MSH3: variants seen among roughly 807,000 people sequenced by gnomAD.
MSH3 encodes the protein mutS homolog 3, also known as DNA mismatch repair protein Msh3.
In MSH3, 106 loss-of-function variants were observed where a neutral mutation model predicts 123.3. The ratio of observed to expected loss-of-function variants is 0.86; its 90% confidence interval spans 0.73 to 1.01. The LOEUF (loss-of-function observed/expected upper bound fraction) is 1.01, where lower values mean the gene tolerates loss of function less well. MSH3 is among the 50% of genes least tolerant of loss of function. MSH3 has a pLI of 0.00. For missense variants in MSH3, 1,459 were observed against 1,347.6 expected (o/e 1.08, Z -1.29); for synonymous variants, 515 against 481.4 (o/e 1.07, Z -0.91).
At chr5:80,685,888 G>T (rs1055767960) in intron 8 of MSH3, among the ~76,000 whole-genome samples, 1 of 151,956 alleles carries the variant, frequency 6.6e-6, no homozygotes, top group Non-Finnish European at 1.5e-5. Flanking sequence ...AAATTTCCTT[G>T]TTGATCTCTT....
chr5:80,793,974 C>G (rs1198912862), intron 19 of MSH3, among the ~76,000 whole-genome samples: 1 of 151,946 alleles, frequency 6.6e-6, no homozygotes, highest in African/African-American at 2.4e-5. Context: ...GCATAGATGA[C>G]TGGGTGTTTT....
chr5:80,832,376 T>TC (rs1745434765), intron 20 of MSH3, among the ~76,000 whole-genome samples: 1 of 152,074 alleles, frequency 6.6e-6, no homozygotes, highest in South Asian at 2.1e-4. Context: ...TCCCAGCACT[T>TC]TAGGAGGCTG....
At chr5:80,867,541 G>T (rs1746127393) in intron 22 of MSH3, among the ~76,000 whole-genome samples, 1 of 152,152 alleles carries the variant, frequency 6.6e-6, no homozygotes, top group Non-Finnish European at 1.5e-5. Context: ...TCTGGAGCTG[G>T]CTTTGAAGAC....
intron 19 of MSH3, among the ~76,000 whole-genome samples, chr5:80,804,705 G>A (rs1744853686): frequency 1.3e-5 from 2 of 152,302 alleles, no homozygotes; most frequent in Middle Eastern, 6.8e-3. Flanking sequence ...CACCACCACT[G>A]GGACTGCACT....
intron 18 of MSH3, among the ~76,000 whole-genome samples, chr5:80,792,221 T>C (rs764822045): frequency 2.0e-5 from 3 of 152,032 alleles, no homozygotes; most frequent in Non-Finnish European, 4.4e-5. Flanking sequence ...ATTGGTTTGA[T>C]CTCAGACAAC....
chr5:80,802,751 CCTT>C (rs2112038832), intron 19 of MSH3, among the ~76,000 whole-genome samples: 1 of 152,306 alleles, frequency 6.6e-6, no homozygotes, highest in South Asian at 2.1e-4. Context: ...TGGTAACCAT[CCTT>C]CTGCTCTTTA....
At chr5:80,873,346 A>G (rs943830758) in intron 23 of MSH3, 59 bp downstream of exon 23, 1 of 1,569,896 alleles carries the variant, frequency 6.4e-7, no homozygotes, top group African/African-American at 1.4e-5. Context: ...GTTGTCCAAG[A>G]AAGAGAGGAG....
At chr5:80,851,717 A>G (rs1745833781) in intron 20 of MSH3, among the ~76,000 whole-genome samples, 1 of 152,136 alleles carries the variant, frequency 6.6e-6, no homozygotes, top group Non-Finnish European at 1.5e-5. Flanking sequence ...TATGATTTCT[A>G]GTTTTACATT....
chr5:80,693,622 T>C (rs1031264821), intron 8 of MSH3, among the ~76,000 whole-genome samples: 47 of 96,358 alleles, frequency 4.9e-4, no homozygotes, highest in African/African-American at 2.1e-3. Context: ...CACACACACA[T>C]ATACACACAC....
chr5:80,779,821 C>T, intron 17 of MSH3, among the ~76,000 whole-genome samples: 1 of 151,974 alleles, frequency 6.6e-6, no homozygotes, highest in East Asian at 1.9e-4. Context: ...TCCTCGGCCT[C>T]CCAAAGTGCT....
chr5:80,793,236 T>C (rs1744639970), intron 19 of MSH3, among the ~76,000 whole-genome samples: 2 of 152,228 alleles, frequency 1.3e-5, no homozygotes, highest in Non-Finnish European at 2.9e-5. Context: ...CCTTTGCAGA[T>C]TCCAGTGATG....
At position 80,711,341 on chromosome 5, in the gene MSH3, G is replaced by A. The variant is rs764878172; in HGVS notation, c.1341-14112G>A. On this transcript the variant is annotated intron_variant, in intron 8 of 23. Transcript: ENST00000265081. ...CAGGCCTCTTTAAGCCTGAAGAAGC[G>A]TGGGCCCTACATCTGCTTTTAGTTT... 3.9e-5 allele frequency among the ~76,000 whole-genome samples: 6 copies of A among 152,218 alleles called. No homozygotes were observed. The East Asian group carries it at 5.8e-4, about 15-fold the overall frequency.
intron 8 of MSH3, among the ~76,000 whole-genome samples, chr5:80,722,301 A>G (rs1751098130): frequency 1.3e-5 from 2 of 152,202 alleles, no homozygotes; most frequent in South Asian, 2.1e-4. Context: ...AGTGTTCTGC[A>G]TAGGGAGCCA....
At chr5:80,738,925 G>A (rs970954517) in intron 10 of MSH3, among the ~76,000 whole-genome samples, 3 of 152,172 alleles carry the variant, frequency 2.0e-5, no homozygotes, top group Non-Finnish European at 4.4e-5. Context: ...CCTCCTCCAT[G>A]TGAAGACACA....
intron 6 of MSH3, among the ~76,000 whole-genome samples, chr5:80,674,312 A>G (rs1045953210): frequency 1.3e-5 from 2 of 152,156 alleles, no homozygotes; most frequent in Non-Finnish European, 2.9e-5. Context: ...TTATACACAC[A>G]TACACAGACA....
chr5:80,748,092 C>A (rs780830055), intron 12 of MSH3, among the ~76,000 whole-genome samples: 1 of 152,140 alleles, frequency 6.6e-6, no homozygotes, highest in African/African-American at 2.4e-5. Context: ...ACAGTGAGAT[C>A]GTAGAACAAA....
At chr5:80,784,246 T>TAAAA (rs1744464643) in intron 17 of MSH3, among the ~76,000 whole-genome samples, 1 of 100,018 alleles carries the variant, frequency 1.0e-5, no homozygotes, top group Non-Finnish European at 2.0e-5. Flanking sequence ...AAAAGGGAAA[T>TAAAA]AAATAAATAA....
chr5:80,691,236 T>C (rs1378282798), intron 8 of MSH3, among the ~76,000 whole-genome samples: 9 of 151,930 alleles, frequency 5.9e-5, no homozygotes, highest in Admixed American at 5.9e-4. Flanking sequence ...GTAATAAGAA[T>C]TCAGCAATGC....
rs1360707512 is a variant in MSH3 at position 80,864,882 on chromosome 5, C to A, written c.3070C>A (p.Gln1024Lys). Reference sequence around the variant, plus strand: ...TGAACTAGAAAAAAATTACTCACACCAGGTGGGGAATTACCACATGGGATT... The same window carrying A: ...TGAACTAGAAAAAAATTACTCACACAAGGTGGGGAATTACCACATGGGATT... ...VCELEKNYSH[Q>K]VGNYHMGFLV... is the part of the protein sequence containing the mutation. Residue 1024 changes from glutamine (Q) to lysine (K), a missense_variant, in exon 22 of 24, where the codon CAG becomes AAG. Physicochemically the swap from Gln to Lys is moderately conservative, Grantham distance 53 (BLOSUM62 1). Transcript: ENST00000265081. The A allele has an allele frequency of 6.2e-7, 1 of 1,613,522 alleles. No homozygotes were observed. Among genetic ancestry groups the A allele is most frequent in the East Asian group, 2.2e-5 (1 of 44,850 alleles).
Sources: allele counts gnomAD v4.1 joint callset (sites outside exome capture counted in the v4.1 genomes callset), GRCh38; gene constraint gnomAD v4.1.1; transcripts MANE v1.5; gene names NCBI Gene and HGNC (gene_info 2026-07-23, HGNC 2026-07-21).